The following GRM4 variants were observed in gnomAD, a reference collection of about 807,000 sequenced individuals.
GRM4 encodes metabotropic glutamate receptor 4.
In GRM4, 28 loss-of-function variants were observed where a neutral mutation model predicts 81.7. The observed-to-expected ratio is 0.34, with a 90% CI of 0.25 to 0.47. GRM4 has a LOEUF of 0.47. Among genes scored for constraint, GRM4 ranks in the 20% least tolerant of loss-of-function variants. The pLI is 1.00. For synonymous variants in GRM4, 488 were observed against 528.8 expected, an observed-to-expected ratio of 0.92 and a Z score of 1.06; for missense variants, 948 against 1,290.0, an observed-to-expected ratio of 0.73 and a Z score of 4.06.
At chr6:34,028,980 C>T (rs1034735863) in intron 9 of GRM4, among the ~76,000 whole-genome samples, 2 of 152,212 alleles carry the variant, frequency 1.3e-5, no homozygotes, top group Non-Finnish European at 2.9e-5. Context: ...CATGCTCGCT[C>T]GCCAGCACTA....
In GRM4 at chr6:34,040,762, C is replaced by T. The variant is rs1581602437; in HGVS notation, c.1169-14G>A. ...TTCGCTCACGGTCTGCAATGAAACA[C>T]CAGGAACAGGGACACTCGTGAGGCC... On this transcript the variant is annotated splice_polypyrimidine_tract_variant and intron_variant, in intron 6 of 10. Coordinates refer to ENST00000538487, the MANE Select transcript of GRM4 (RefSeq NM_000841.4). 7 of 1,606,618 alleles carry T rather than the reference C, an allele frequency of 4.4e-6. No homozygotes were observed. Among genetic ancestry groups the T allele is most frequent in the Non-Finnish European group, 6.0e-6 (7 of 1,174,258 alleles).
At chr6:34,067,938 A>AC (rs1766571343) in intron 3 of GRM4, among the ~76,000 whole-genome samples, 1 of 151,888 alleles carries the variant, frequency 6.6e-6, no homozygotes. Flanking sequence ...CTCTCACATC[A>AC]CCTGCCTGCC....
In GRM4 at chr6:34,036,338, G is replaced by C; in HGVS notation, c.1772C>G (p.Pro591Arg). Residue 591 changes from proline to arginine, a missense_variant, in exon 9 of 11, where the codon CCC (proline) becomes CGC (arginine). Coordinates refer to ENST00000538487, the MANE Select transcript of GRM4 (RefSeq NM_000841.4). This position sits in a 1 kb window ranked among gnomAD's most constrained non-coding sequence, Gnocchi z 9.0. ...GATGCCCACCACGGCCAGGAAGAGG[G>C]GCAGCACGGCCCAGGGCGAGCCCCA... is the stretch of plus-strand genomic sequence containing the variant. Reference protein sequence around the residue: ...LEWGSPWAVLPLFLAVVGIAA... With the variant: ...LEWGSPWAVLRLFLAVVGIAA... The C allele has an allele frequency of 1.2e-6, 2 of 1,613,986 alleles. No homozygotes were observed. Among genetic ancestry groups the C allele is most frequent in the Non-Finnish European group, 1.7e-6 (2 of 1,179,982 alleles).
At chr6:34,055,727 G>C (rs970008069) in intron 6 of GRM4, 2 of 152,210 alleles carry the variant, frequency 1.3e-5, no homozygotes, top group African/African-American at 2.4e-5. Context: ...CCTAGGGGGC[G>C]GGGGCCCTAG....
At position 34,035,581 on chromosome 6, in the gene GRM4, A is replaced by G. The variant is rs1764646496; in HGVS notation, c.2442+87T>C. On this transcript the variant is annotated intron_variant, in intron 9 of 10. Transcript: ENST00000538487. This position sits in a 1 kb window ranked among gnomAD's most constrained non-coding sequence, Gnocchi z 6.6. Reference sequence around the variant, plus strand: ...GCATGAAAGAAGGCATTTCTGGAGCAGGGGGGAGGCCAGCCAGCCTCAGGA... The same window carrying G: ...GCATGAAAGAAGGCATTTCTGGAGCGGGGGGGAGGCCAGCCAGCCTCAGGA... 1 of 718,314 alleles carries G rather than the reference A, an allele frequency of 1.4e-6. No individual in the cohort carries two copies. Among genetic ancestry groups the G allele is most frequent in the East Asian group, 2.7e-5 (1 of 36,374 alleles). The allele number at this position is 718,314 out of a possible 1,614,324, so 44.5% of individuals were successfully genotyped here. A position where few individuals can be genotyped will look rare whatever the true frequency, so the allele number is the denominator to read the frequency against.
intron 3 of GRM4, among the ~76,000 whole-genome samples, chr6:34,079,168 G>GC (rs533982625): frequency 1.8e-3 from 272 of 152,328 alleles, no homozygotes; most frequent in Non-Finnish European, 3.0e-3. Flanking sequence ...AGTCCAGCAG[G>GC]CCGGGGAAAG....
At chr6:34,083,679 T>C (rs1346218107) in intron 3 of GRM4, among the ~76,000 whole-genome samples, 1 of 152,052 alleles carries the variant, frequency 6.6e-6, no homozygotes, top group Non-Finnish European at 1.5e-5. Context: ...GAGGGCAGAG[T>C]GCTCAGCCTT....
chr6:34,062,007 G>C lies in GRM4; in HGVS notation c.758C>G (p.Ser253Trp). 6.2e-7 allele frequency: 1 copy of C among 1,613,350 alleles called. No homozygotes were observed. Among genetic ancestry groups the C allele is most frequent in the Non-Finnish European group, 8.5e-7 (1 of 1,179,442 alleles). Reference sequence around the variant, plus strand: ...CTTGGGCTCCCGTGGTATCTTCACCGACTGGGCGATGCACACGCCCCCTGC... The same window carrying C: ...CTTGGGCTCCCGTGGTATCTTCACCCACTGGGCGATGCACACGCCCCCTGC... The part of the protein sequence containing the change: ...REDGGVCIAQ[S>W]VKIPREPKAG... Residue 253 changes from serine (S) to tryptophan (W), a missense_variant, in exon 4 of 11, where the codon TCG becomes TGG. Ser to Trp is a radical substitution (Grantham distance 177, BLOSUM62 -3). Transcript: ENST00000538487.
In GRM4 at chr6:34,061,906, C is replaced by T. The variant is rs369644846; in HGVS notation, c.859G>A (p.Glu287Lys). The T allele has an allele frequency of 1.7e-5, 27 of 1,612,392 alleles. No homozygotes were observed. Among genetic ancestry groups the T allele is most frequent in the South Asian group, 1.1e-5 (1 of 90,902 alleles). The change falls in exon 4 of 11, where the codon GAG (glutamate) becomes AAG (lysine). Residue 287 changes from glutamate to lysine, a missense_variant. Coordinates refer to ENST00000538487, the MANE Select transcript of GRM4 (RefSeq NM_000841.4). ...NARAVIIFAN[E>K]DDIRRVLEAA... The stretch of plus-strand genomic sequence containing the variant: ...ACCTGCCCTCACCTGATGTCATCCT[C>T]GTTGGCAAAGATGATGACTGCCCTG...
chr6:34,077,652 C>T (rs1425942473), intron 3 of GRM4, among the ~76,000 whole-genome samples: 3 of 152,104 alleles, frequency 2.0e-5, no homozygotes, highest in Non-Finnish European at 4.4e-5. Context: ...TCCTCTCCCA[C>T]CCCCAACTCT....
chr6:34,072,333 C>T (rs111218565), intron 3 of GRM4, among the ~76,000 whole-genome samples: 3 of 143,868 alleles, frequency 2.1e-5, no homozygotes, highest in Admixed American at 2.1e-4. Context: ...ACACACACAT[C>T]ACCACATGGA....
In GRM4 at chr6:34,089,368, G is replaced by A. The variant is rs1768076855; in HGVS notation, c.736+2515C>T. On this transcript the variant is annotated intron_variant, in intron 3 of 10. Coordinates refer to ENST00000538487, the MANE Select transcript of GRM4 (RefSeq NM_000841.4). The surrounding 1 kb of genome is among the most constrained non-coding windows in gnomAD (Gnocchi z 4.3). Reference sequence around the variant, plus strand: ...TGATTTCAATTTGGCCAGCTGAAGTGCAGCTCTCTCTCTCTCTCTTCCTTT... The same window carrying A: ...TGATTTCAATTTGGCCAGCTGAAGTACAGCTCTCTCTCTCTCTCTTCCTTT... Among the ~76,000 whole-genome samples, 1 of 59,890 alleles carries A rather than the reference G, an allele frequency of 1.7e-5. No individual in the cohort carries two copies. The highest frequency in any genetic ancestry group is 1.9e-4 in the Admixed American group (1 of 5,154). 39.3% of individuals were successfully genotyped at this position (59,890 alleles called of 152,430 possible).
Position 34,136,226 on chromosome 6 carries a change from C to T in GRM4, c.-363-2367G>A, listed in dbSNP as rs1454196134. Among the ~76,000 whole-genome samples, 1 of 152,162 alleles carries T rather than the reference C, an allele frequency of 6.6e-6. No individual in the cohort carries two copies. The highest frequency in any genetic ancestry group is 1.9e-4 in the East Asian group (1 of 5,192). On this transcript the variant is annotated intron_variant, in intron 1 of 10. Transcript: ENST00000538487. The surrounding 1 kb of genome is among the most constrained non-coding windows in gnomAD (Gnocchi z 4.1). ...GATGAGGAAGCCAAGGCACCAAGTG[C>T]TTAAGCAACATCTAGCCAGGGGCAC...
At chr6:34,126,759 C>T (rs1486038788) in intron 2 of GRM4, among the ~76,000 whole-genome samples, 1 of 152,234 alleles carries the variant, frequency 6.6e-6, no homozygotes, top group African/African-American at 2.4e-5. Flanking sequence ...GTCTCCCTCC[C>T]ATTCCCCATC....
At chr6:34,050,558 C>T (rs1765565157) in intron 6 of GRM4, among the ~76,000 whole-genome samples, 1 of 152,246 alleles carries the variant, frequency 6.6e-6, no homozygotes, top group African/African-American at 2.4e-5. Context: ...TGCCACGCTT[C>T]TCGCACAATC....
intron 3 of GRM4, among the ~76,000 whole-genome samples, chr6:34,087,687 C>T (rs1767972594): frequency 7.3e-6 from 1 of 136,164 alleles, no homozygotes; most frequent in Non-Finnish European, 1.5e-5. Flanking sequence ...CGTGCCCGCA[C>T]ACACACACAC....
chr6:34,058,152 C>A (rs1766000332), intron 5 of GRM4, among the ~76,000 whole-genome samples: 5 of 152,044 alleles, frequency 3.3e-5, no homozygotes, highest in African/African-American at 1.2e-4. Flanking sequence ...CCTGGGGGAT[C>A]ACACTGGGCC....
Position 34,042,084 on chromosome 6 carries a change from T to G in GRM4, c.1169-1336A>C, listed in dbSNP as rs1265881464. Among the ~76,000 whole-genome samples the G allele has an allele frequency of 2.6e-5, 4 of 152,122 alleles. No individual in the cohort carries two copies. Among genetic ancestry groups the G allele is most frequent in the African/African-American group, 9.7e-5 (4 of 41,410 alleles). On this transcript the variant is annotated intron_variant, in intron 6 of 10. Transcript: ENST00000538487. This position sits in a 1 kb window ranked among gnomAD's most constrained non-coding sequence, Gnocchi z 4.2. ...CCAGCCAACACGCTGAAACCCCATC[T>G]CTACTCAAAATACCAAAATTAGCTG... is the stretch of plus-strand genomic sequence containing the variant.
chr6:34,079,163 A>G (rs954264478), intron 3 of GRM4, among the ~76,000 whole-genome samples: 1 of 152,232 alleles, frequency 6.6e-6, no homozygotes, highest in Non-Finnish European at 1.5e-5. Flanking sequence ...AGGCAAGTCC[A>G]GCAGGCCGGG....
Sources: allele counts gnomAD v4.1 joint callset (sites outside exome capture counted in the v4.1 genomes callset), GRCh38; gene constraint gnomAD v4.1.1; non-coding constraint Gnocchi (gnomAD v3.1); transcripts MANE v1.5; gene names NCBI Gene and HGNC (gene_info 2026-07-23, HGNC 2026-07-21).